Variants in NUBPL observed in about 807,000 individuals in gnomAD.
NUBPL encodes the protein iron-sulfur cluster transfer protein NUBPL.
In NUBPL, 31 loss-of-function variants were observed where a neutral mutation model predicts 45.7. The observed-to-expected ratio is 0.68, with a 90% CI of 0.51 to 0.92. The LOEUF (loss-of-function observed/expected upper bound fraction) is 0.92, where lower values mean the gene tolerates loss of function less well. NUBPL is among the 40% of genes least tolerant of loss of function. NUBPL has a pLI of 0.00. For missense variants in NUBPL, 401 were observed against 398.7 expected (o/e 1.01, Z -0.05); for synonymous variants, 144 against 140.9 (o/e 1.02, Z -0.15).
intron 6 of NUBPL, among the ~76,000 whole-genome samples, chr14:31,765,350 G>A (rs922022387): frequency 6.6e-6 from 1 of 152,186 alleles, no homozygotes; most frequent in African/African-American, 2.4e-5. Context: ...ATTTTGTAAT[G>A]TGATTACCTC....
At chr14:31,604,539 G>GACTA (rs1489326097) in intron 4 of NUBPL, among the ~76,000 whole-genome samples, 1 of 152,144 alleles carries the variant, frequency 6.6e-6, no homozygotes, top group Non-Finnish European at 1.5e-5. Flanking sequence ...TCTGTTCTGG[G>GACTA]ACTAAGCTGG....
chr14:31,825,665 C>G (rs1271855619), intron 7 of NUBPL, among the ~76,000 whole-genome samples: 1 of 129,652 alleles, frequency 7.7e-6, no homozygotes, highest in East Asian at 2.2e-4. Context: ...TTTCCTTTTC[C>G]TTTTCTTTTT....
At position 31,562,186 on chromosome 14, in the gene NUBPL, A is replaced by G; in HGVS notation, c.227A>G (p.Lys76Arg). Residue 76 changes from lysine to arginine, a missense_variant, in exon 2 of 11, where the codon AAG becomes AGG. By Grantham distance (26) the Lys-to-Arg change is conservative (BLOSUM62 2). Transcript: ENST00000281081. ...VKQVIVVASG[K>R]GGVGKSTTAV... Reference sequence around the variant, plus strand: ...CAAGTTATAGTTGTGGCTTCTGGAAAGGGTGGAGTCGGAAAATCTACTACA... The same window carrying G: ...CAAGTTATAGTTGTGGCTTCTGGAAGGGGTGGAGTCGGAAAATCTACTACA... 1 of 1,614,150 alleles carries G rather than the reference A, an allele frequency of 6.2e-7. No individual in the cohort carries two copies. The highest frequency in any genetic ancestry group is 8.5e-7 in the Non-Finnish European group (1 of 1,179,990).
At chr14:31,795,664 C>A (rs1479765578) in intron 7 of NUBPL, among the ~76,000 whole-genome samples, 1 of 13,378 alleles carries the variant, frequency 7.5e-5, no homozygotes, top group Non-Finnish European at 1.2e-4. Context: ...GATAAACAAT[C>A]ATGTCGTCTG....
At chr14:31,771,906 A>T in intron 6 of NUBPL, 4 of 984,472 alleles carry the variant, frequency 4.1e-6, no homozygotes, top group Non-Finnish European at 4.8e-6. Context: ...CTTGGTTGGG[A>T]TAGTTCTTCA....
intron 7 of NUBPL, among the ~76,000 whole-genome samples, chr14:31,797,927 C>T (rs1424360371): frequency 1.4e-5 from 2 of 139,732 alleles, no homozygotes; most frequent in Non-Finnish European, 3.1e-5. Context: ...TAGGGCAGGC[C>T]TGGTGGTGAC....
chr14:31,778,892 TTATAAATACTGG>T (rs1257245410), intron 6 of NUBPL, among the ~76,000 whole-genome samples: 1 of 152,212 alleles, frequency 6.6e-6, no homozygotes, highest in Non-Finnish European at 1.5e-5. Context: ...CCTGACATCT[TTATAAATACTGG>T]CTGTTTTACC....
intron 4 of NUBPL, among the ~76,000 whole-genome samples, chr14:31,612,396 G>T (rs1269457223): frequency 2.0e-5 from 3 of 152,242 alleles, no homozygotes; most frequent in Non-Finnish European, 4.4e-5. Context: ...TGGGCGCAGT[G>T]GCTCACGCCT....
At chr14:31,704,381 T>C (rs59626793) in intron 6 of NUBPL, among the ~76,000 whole-genome samples, 38,547 of 152,140 alleles carry the variant, frequency 0.25, 10,329 homozygotes, top group African/African-American at 0.68. Flanking sequence ...AAAGTATAAT[T>C]GGCCAGGCAT....
chr14:31,745,287 T>G lies in NUBPL; in HGVS notation c.514-42493T>G, dbSNP rs1177616187. Among the ~76,000 whole-genome samples, 6 of 152,082 alleles carry G rather than the reference T, an allele frequency of 3.9e-5. No homozygotes were observed. In the East Asian group the frequency reaches 7.7e-4, roughly 20 times the overall value. On this transcript the variant is annotated intron_variant, in intron 6 of 10. Coordinates refer to ENST00000281081, the MANE Select transcript of NUBPL (RefSeq NM_025152.3). ...TCATTGTTCAATTCCCACCTATGAT[T>G]GAGAACATGTGATGTTTGGTTTTTT...
At chr14:31,757,025 C>T (rs915349221) in intron 6 of NUBPL, among the ~76,000 whole-genome samples, 3 of 151,982 alleles carry the variant, frequency 2.0e-5, no homozygotes, top group African/African-American at 7.3e-5. Flanking sequence ...ATATATTGAA[C>T]CAGCCTTGCA....
intron 6 of NUBPL, among the ~76,000 whole-genome samples, chr14:31,736,163 A>C (rs527562374): frequency 2.0e-3 from 310 of 152,320 alleles, no homozygotes; most frequent in African/African-American, 6.9e-3. Flanking sequence ...TAAATATATA[A>C]AGCCAAATTG....
intron 4 of NUBPL, among the ~76,000 whole-genome samples, chr14:31,607,529 CAA>C (rs935114270): frequency 1.8e-4 from 28 of 151,800 alleles, no homozygotes; most frequent in Admixed American, 2.6e-4. Flanking sequence ...ATAAATTTAA[CAA>C]AGAGATTGAA....
intron 7 of NUBPL, among the ~76,000 whole-genome samples, chr14:31,824,687 ACTT>A (rs1222526544): frequency 6.6e-6 from 1 of 152,020 alleles, no homozygotes; most frequent in African/African-American, 2.4e-5. Context: ...CTCTATTTGA[ACTT>A]CTTCAAAATA....
At chr14:31,759,529 C>A (rs1323875160) in intron 6 of NUBPL, among the ~76,000 whole-genome samples, 1 of 151,842 alleles carries the variant, frequency 6.6e-6, no homozygotes. Context: ...TAATTAATTA[C>A]CTCATATACT....
intron 6 of NUBPL, among the ~76,000 whole-genome samples, chr14:31,729,056 G>T (rs141901637): frequency 6.6e-6 from 1 of 152,104 alleles, no homozygotes; most frequent in African/African-American, 2.4e-5. Context: ...TGAGGTGGGC[G>T]GATCACTTGA....
chr14:31,641,072 C>T (rs1228518725), intron 4 of NUBPL, among the ~76,000 whole-genome samples: 1 of 152,098 alleles, frequency 6.6e-6, no homozygotes, highest in Admixed American at 6.5e-5. Flanking sequence ...CTGCCTCAGC[C>T]TCCCCTGTAG....
chr14:31,808,668 C>T (rs138351545), intron 7 of NUBPL, among the ~76,000 whole-genome samples: 13 of 152,148 alleles, frequency 8.5e-5, no homozygotes, highest in African/African-American at 3.1e-4. Context: ...ATAGGAGTGG[C>T]GAGAGAGGGT....
intron 7 of NUBPL, among the ~76,000 whole-genome samples, chr14:31,797,864 G>A (rs529722945): frequency 0.028 from 3,652 of 130,830 alleles, 200 homozygotes; most frequent in African/African-American, 0.11. Flanking sequence ...ATTTTGCAGC[G>A]GCTGGTACCG....
Sources: gnomAD v4.1 joint callset for allele counts (sites outside exome capture counted in the v4.1 genomes callset) on GRCh38, gnomAD v4.1.1 for gene constraint, MANE v1.5 for transcripts, NCBI Gene and HGNC (gene_info 2026-07-23, HGNC 2026-07-21) for gene names.